MACROD1: variants seen among roughly 807,000 people sequenced by gnomAD.
MACROD1 encodes the protein mono-ADP ribosylhydrolase 1.
MACROD1 carries 31 observed loss-of-function variants against 41.4 expected under a neutral mutation model. That is an observed-to-expected ratio of 0.75 (90% CI 0.56 to 1.01). The LOEUF (loss-of-function observed/expected upper bound fraction) is 1.01, where lower values mean the gene tolerates loss of function less well. Ranked by LOEUF, MACROD1 falls within the 50% of genes least tolerant of loss-of-function variation. The pLI is 0.00. For missense variants in MACROD1, 473 were observed against 460.0 expected (o/e 1.03, Z -0.26); for synonymous variants, 252 against 203.4 (o/e 1.24, Z -2.03).
In MACROD1 at chr11:64,124,796, T is replaced by C. The variant is rs369458069; in HGVS notation, c.517+26443A>G. The stretch of plus-strand genomic sequence containing the variant: ...CCCGGGTTCAAGTGATTCTCCTGCC[T>C]CAGCCTCCTGAGTAGCTGGGATTAC... On this transcript the variant is annotated intron_variant, in intron 3 of 10. Transcript: ENST00000255681. 5.3e-5 allele frequency among the ~76,000 whole-genome samples: 8 copies of C among 152,220 alleles called. No homozygotes were observed. In the South Asian group the frequency reaches 1.7e-3, roughly 32 times the overall value.
intron 3 of MACROD1, among the ~76,000 whole-genome samples, chr11:64,091,182 C>T (rs1944483780): frequency 6.6e-6 from 1 of 151,590 alleles, no homozygotes; most frequent in African/African-American, 2.4e-5. Flanking sequence ...CCTAAGACTC[C>T]AGCTCCTGGG....
intron 3 of MACROD1, among the ~76,000 whole-genome samples, chr11:64,023,091 A>C (rs554806646): frequency 3.2e-4 from 48 of 152,146 alleles, no homozygotes; most frequent in African/African-American, 1.1e-3. Context: ...CAAATTCCTG[A>C]TATCAAGTGA....
intron 3 of MACROD1, among the ~76,000 whole-genome samples, chr11:64,093,063 C>T (rs1350616428): frequency 6.6e-6 from 1 of 152,148 alleles, no homozygotes; most frequent in East Asian, 1.9e-4. Context: ...AGTGAGTTTG[C>T]ATCCAGGCTC....
Position 64,090,168 on chromosome 11 carries a change from G to GC in MACROD1, c.517+61070dup, listed in dbSNP as rs1944464381. Among the ~76,000 whole-genome samples, 1 of 152,158 alleles carries GC rather than the reference G, an allele frequency of 6.6e-6. No homozygotes were observed. Among genetic ancestry groups the GC allele is most frequent in the East Asian group, 1.9e-4 (1 of 5,196 alleles). On this transcript the variant is annotated intron_variant, in intron 3 of 10. Coordinates refer to ENST00000255681, the MANE Select transcript of MACROD1 (RefSeq NM_014067.4). This position sits in a 1 kb window ranked among gnomAD's most constrained non-coding sequence, Gnocchi z 4.7. ...GACTCATCTCTGCCTGTCTTCCCAG[G>GC]CCCCAGGTTTCAGGCCCCGAACAGC...
chr11:64,015,139 T>C (rs2134341076), intron 4 of MACROD1, 113 bp downstream of exon 4: 1 of 1,143,466 alleles, frequency 8.7e-7, no homozygotes. Context: ...GTGAGGACAG[T>C]GGGGAAGGTG....
At chr11:64,037,542 C>T (rs1307865499) in intron 3 of MACROD1, among the ~76,000 whole-genome samples, 1 of 152,084 alleles carries the variant, frequency 6.6e-6, no homozygotes, top group Admixed American at 6.5e-5. Context: ...TGGGAGGGGA[C>T]GCTGCCTAGC....
At chr11:64,055,787 C>T (rs1223585480) in intron 3 of MACROD1, among the ~76,000 whole-genome samples, 2 of 152,168 alleles carry the variant, frequency 1.3e-5, no homozygotes, top group Non-Finnish European at 2.9e-5. Context: ...CCCTTTCATA[C>T]AGAGGATGCT....
intron 3 of MACROD1, among the ~76,000 whole-genome samples, chr11:64,038,562 G>C (rs896680418): frequency 3.3e-5 from 5 of 152,224 alleles, no homozygotes; most frequent in Non-Finnish European, 5.9e-5. Flanking sequence ...TGCAGGGGGA[G>C]GATGAGGCCT....
chr11:64,149,094 C>A, intron 3 of MACROD1: 4 of 875,950 alleles, frequency 4.6e-6, no homozygotes, highest in Non-Finnish European at 5.5e-6. Flanking sequence ...CTGAGGCAAG[C>A]AGGGGGAGGT....
chr11:64,015,170 C>T lies in MACROD1; in HGVS notation c.547+82G>A, dbSNP rs557264580. The T allele has an allele frequency of 1.3e-4, 180 of 1,409,182 alleles. 3 individuals are homozygous for T. In the South Asian group the frequency reaches 1.7e-3, roughly 13 times the overall value. 87.3% of individuals were successfully genotyped at this position (1,409,182 alleles called of 1,614,324 possible). A position where few individuals can be genotyped will look rare whatever the true frequency, so the allele number is the denominator to read the frequency against. On this transcript the variant is annotated intron_variant, in intron 4 of 10. Transcript: ENST00000255681. Reference sequence around the variant, plus strand: ...AGGTGGATTGCAGTGAGATGGGCACCGAGGGCGAGGGGCAGGGGAGGAGCA... The same window carrying T: ...AGGTGGATTGCAGTGAGATGGGCACTGAGGGCGAGGGGCAGGGGAGGAGCA...
chr11:64,126,617 T>C (rs2134646627), intron 3 of MACROD1, among the ~76,000 whole-genome samples: 1 of 152,068 alleles, frequency 6.6e-6, no homozygotes, highest in Admixed American at 6.5e-5. Context: ...CACAACGTCA[T>C]CCCCTTCCCG....
chr11:64,003,710 A>C (rs1942864078), intron 4 of MACROD1, among the ~76,000 whole-genome samples: 1 of 152,204 alleles, frequency 6.6e-6, no homozygotes, highest in Non-Finnish European at 1.5e-5. Flanking sequence ...CACGGCTGGA[A>C]GGTTGGGCTC....
intron 3 of MACROD1, chr11:64,116,197 C>T (rs1411972860): frequency 6.5e-7 from 1 of 1,535,120 alleles, no homozygotes. Context: ...CTCTCACTGC[C>T]CCTGTCCTGT....
chr11:64,049,084 G>A (rs1461489207), intron 3 of MACROD1, among the ~76,000 whole-genome samples: 2 of 152,048 alleles, frequency 1.3e-5, no homozygotes. Context: ...GCCTTTGCCT[G>A]CACTTTGTGG....
chr11:64,106,071 A>G (rs1944757838), intron 3 of MACROD1, among the ~76,000 whole-genome samples: 1 of 152,144 alleles, frequency 6.6e-6, no homozygotes, highest in African/African-American at 2.4e-5. Context: ...GCCAGCATCC[A>G]TATCAGTGGG....
Position 64,056,831 on chromosome 11 carries a change from G to A in MACROD1, c.518-41550C>T, listed in dbSNP as rs552995207. Among the ~76,000 whole-genome samples the A allele has an allele frequency of 3.9e-5, 6 of 152,194 alleles. No individual in the cohort carries two copies. In the South Asian group the frequency reaches 1.2e-3, roughly 32 times the overall value. On this transcript the variant is annotated intron_variant, in intron 3 of 10. Coordinates refer to ENST00000255681, the MANE Select transcript of MACROD1 (RefSeq NM_014067.4). The stretch of plus-strand genomic sequence containing the variant: ...GGTGCAAGGCCTGTCCCACCCCCTG[G>A]GATGACCTCCACTCTGCCTTCTAAA...
At chr11:64,089,299 T>C (rs1944449400) in intron 3 of MACROD1, among the ~76,000 whole-genome samples, 1 of 151,826 alleles carries the variant, frequency 6.6e-6, no homozygotes, top group African/African-American at 2.4e-5. Flanking sequence ...GAGACCGGGG[T>C]AGGGCAGCCA....
intron 3 of MACROD1, among the ~76,000 whole-genome samples, chr11:64,101,578 C>A (rs377114431): frequency 6.6e-6 from 1 of 152,266 alleles, no homozygotes; most frequent in South Asian, 2.1e-4. Flanking sequence ...GCCAGGGAGG[C>A]GGATGACCTC....
chr11:64,013,218 C>T (rs1253766482), intron 4 of MACROD1, among the ~76,000 whole-genome samples: 1 of 152,178 alleles, frequency 6.6e-6, no homozygotes, highest in Non-Finnish European at 1.5e-5. Flanking sequence ...GTAAATTATA[C>T]AGCACATTAG....
Sources: gnomAD v4.1 joint callset for allele counts (sites outside exome capture counted in the v4.1 genomes callset) on GRCh38, gnomAD v4.1.1 for gene constraint, Gnocchi (gnomAD v3.1) non-coding constraint, MANE v1.5 for transcripts, NCBI Gene and HGNC (gene_info 2026-07-23, HGNC 2026-07-21) for gene names.